Variants in RAB38 observed in about 807,000 individuals in gnomAD.
RAB38 encodes ras-related protein Rab-38.
RAB38 carries 15 observed loss-of-function variants against 18.4 expected under a neutral mutation model. The observed-to-expected ratio is 0.82, with a 90% CI of 0.55 to 1.26. RAB38 has a LOEUF of 1.26. Ranked by LOEUF, RAB38 falls within the 50% of genes most tolerant of loss-of-function variation. RAB38 has a pLI of 0.00. For missense variants in RAB38, 294 were observed against 267.4 expected (o/e 1.10, Z -0.69); for synonymous variants, 101 against 104.4 (o/e 0.97, Z 0.20).
chr11:88,164,268 G>GGGGGGGGGGGGGGGGGGGGGGGGGGGGT (rs1943222404), intron 1 of RAB38, among the ~76,000 whole-genome samples: 1 of 131,914 alleles, frequency 7.6e-6, no homozygotes, highest in Non-Finnish European at 1.7e-5. Flanking sequence ...GTGGGGGGGG[G>GGGGGGGGGGGGGGGGGGGGGGGGGGGGT]TGCCATGGTG....
chr11:87,871,532 C>T, the RAB38 span, among the ~76,000 whole-genome samples: 1 of 151,220 alleles, frequency 6.6e-6, no homozygotes, highest in Non-Finnish European at 1.5e-5. Context: ...TAAATTAGTC[C>T]ATAAAAAGCT....
chr11:88,137,176 A>G (rs1942846526), intron 2 of RAB38, among the ~76,000 whole-genome samples: 1 of 152,204 alleles, frequency 6.6e-6, no homozygotes, highest in Non-Finnish European at 1.5e-5. Flanking sequence ...CCCACAAATC[A>G]ACAATCACCA....
the RAB38 span, among the ~76,000 whole-genome samples, chr11:87,890,712 T>C: frequency 6.6e-6 from 1 of 151,922 alleles, no homozygotes; most frequent in Admixed American, 6.6e-5. Flanking sequence ...TCATCCTCTG[T>C]GTTTTTGCAT....
the RAB38 span, among the ~76,000 whole-genome samples, chr11:87,910,863 C>T: frequency 6.6e-6 from 1 of 151,964 alleles, no homozygotes; most frequent in Admixed American, 6.6e-5. Flanking sequence ...TCTCGATCTC[C>T]TGACCTTGTG....
chr11:88,140,298 T>C (rs1331398259), intron 2 of RAB38, among the ~76,000 whole-genome samples: 2 of 152,216 alleles, frequency 1.3e-5, no homozygotes, highest in African/African-American at 4.8e-5. Context: ...TGTGGGGTCC[T>C]CCTGGGAACT....
At chr11:88,092,373 A>G in the RAB38 span, among the ~76,000 whole-genome samples, 2 of 9,798 alleles carry the variant, frequency 2.0e-4, no homozygotes, top group South Asian at 2.2e-3. Flanking sequence ...AGAGAGAGAG[A>G]GAGAGAGAGA....
the RAB38 span, among the ~76,000 whole-genome samples, chr11:87,895,146 G>T: frequency 2.3e-4 from 35 of 151,718 alleles, no homozygotes; most frequent in African/African-American, 8.2e-4. Context: ...AGGGTGAATT[G>T]CTCTAGCGGG....
the RAB38 span, among the ~76,000 whole-genome samples, chr11:87,861,394 A>AT: frequency 7.9e-4 from 120 of 151,948 alleles, no homozygotes; most frequent in African/African-American, 2.8e-3. Flanking sequence ...ATACAGAAGC[A>AT]TTTTTTTCAA....
the RAB38 span, among the ~76,000 whole-genome samples, chr11:87,949,133 G>A: frequency 6.4e-4 from 97 of 152,140 alleles, no homozygotes; most frequent in African/African-American, 1.2e-3. Context: ...TGTATGTGTC[G>A]AAGAATTTAT....
At chr11:87,804,276 G>A in the RAB38 span, among the ~76,000 whole-genome samples, 1 of 152,084 alleles carries the variant, frequency 6.6e-6, no homozygotes, top group African/African-American at 2.4e-5. Context: ...GAGTTGGGTA[G>A]AGGCAGTGGG....
chr11:87,914,956 G>C, the RAB38 span, among the ~76,000 whole-genome samples: 5 of 152,132 alleles, frequency 3.3e-5, no homozygotes, highest in African/African-American at 1.2e-4. Context: ...CAGAGGCTTG[G>C]CAGCCTCCAC....
At chr11:87,891,862 G>A in the RAB38 span, among the ~76,000 whole-genome samples, 1 of 151,878 alleles carries the variant, frequency 6.6e-6, no homozygotes, top group African/African-American at 2.4e-5. Flanking sequence ...GCCTTTATAA[G>A]ACAATAATGC....
the RAB38 span, among the ~76,000 whole-genome samples, chr11:88,028,208 C>G: frequency 6.6e-6 from 1 of 152,120 alleles, no homozygotes; most frequent in Admixed American, 6.6e-5. Context: ...GAAAGGACAT[C>G]CACACCAAAA....
At chr11:87,842,492 G>A in the RAB38 span, among the ~76,000 whole-genome samples, 6 of 152,088 alleles carry the variant, frequency 3.9e-5, no homozygotes, top group African/African-American at 1.4e-4. Context: ...AGGGGCCTTC[G>A]TTGTACTTGA....
At chr11:87,949,578 T>C in the RAB38 span, among the ~76,000 whole-genome samples, 3 of 152,320 alleles carry the variant, frequency 2.0e-5, no homozygotes, top group East Asian at 5.8e-4. Flanking sequence ...CCAGAGATTG[T>C]GGTATGTTGT....
the RAB38 span, among the ~76,000 whole-genome samples, chr11:87,887,499 C>T: frequency 6.6e-6 from 1 of 151,940 alleles, no homozygotes; most frequent in African/African-American, 2.4e-5. Context: ...AAAGTCTGAG[C>T]ACCCTGGGTT....
the RAB38 span, among the ~76,000 whole-genome samples, chr11:87,966,790 G>A: frequency 5.3e-5 from 8 of 152,298 alleles, 1 homozygote; most frequent in South Asian, 2.1e-4. Context: ...ATCTGAGATA[G>A]TTTCTCTAGG....
chr11:88,077,299 T>C, the RAB38 span, among the ~76,000 whole-genome samples: 1 of 151,302 alleles, frequency 6.6e-6, no homozygotes, highest in Non-Finnish European at 1.5e-5. Flanking sequence ...ATACTAAAAA[T>C]CCTAAAATTT....
At position 88,157,772 on chromosome 11, in the gene RAB38, A is replaced by T. The variant is rs796647512; in HGVS notation, c.203-7817T>A. ...AACAATAAAATAAAGGATAATTTTT[A>T]AAAAATCTTTTAAATAAACAAAAAC... is the stretch of plus-strand genomic sequence containing the variant. On this transcript the variant is annotated intron_variant, in intron 1 of 2. Coordinates refer to ENST00000243662, the MANE Select transcript of RAB38 (RefSeq NM_022337.3). 5.2e-4 allele frequency among the ~76,000 whole-genome samples: 79 copies of T among 152,300 alleles called. 1 individual carries two copies. The highest frequency in any genetic ancestry group is 1.8e-3 in the African/African-American group (74 of 41,580).
Sources: allele counts gnomAD v4.1 joint callset (sites outside exome capture counted in the v4.1 genomes callset), GRCh38; gene constraint gnomAD v4.1.1; transcripts MANE v1.5; gene names NCBI Gene and HGNC (gene_info 2026-07-23, HGNC 2026-07-21).